Variants in ADCY9 observed in about 807,000 individuals in gnomAD.
The protein encoded by ADCY9 is adenylate cyclase 9, also known as adenylate cyclase type 9.
A neutral mutation model predicts 101.5 loss-of-function variants in ADCY9; 50 were observed. That is an observed-to-expected ratio of 0.49 (90% CI 0.39 to 0.62). The LOEUF is 0.62. ADCY9 is among the 20% of genes least tolerant of loss of function. ADCY9 has a pLI of 0.00. For missense variants in ADCY9, 1,662 were observed against 1,800.4 expected (o/e 0.92, Z 1.39); for synonymous variants, 905 against 769.3 (o/e 1.18, Z -2.92).
At chr16:3,958,511 A>T (rs1314622796), downstream of ADCY9, among the ~76,000 whole-genome samples, 1 of 143,010 alleles carries the variant, frequency 7.0e-6, no homozygotes, top group Non-Finnish European at 1.5e-5. Context: ...TTGCACTTCC[A>T]GCCTGGGCAA....
chr16:4,114,374 A>T lies in ADCY9; in HGVS notation c.1069T>A (p.Ser357Thr). The T allele has an allele frequency of 6.2e-7, 1 of 1,614,002 alleles. No individual in the cohort carries two copies. The highest frequency in any genetic ancestry group is 8.5e-7 in the Non-Finnish European group (1 of 1,180,024). Residue 357 changes from serine (S) to threonine (T), a missense_variant, in exon 2 of 11, where the codon TCT (serine) becomes ACT (threonine). Physicochemically the swap from Ser to Thr is moderately conservative, Grantham distance 58. Transcript: ENST00000294016. This position sits in a 1 kb window ranked among gnomAD's most constrained non-coding sequence, Gnocchi z 4.3. ...MKQGDEESEN[S>T]VKRHATSSPK... ...CTCGAGGTGGCATGCCTCTTGACAG[A>T]ATTCTCACTCTCCTCATCTCCCTGC...
At chr16:4,098,138 C>A (rs758329958) in intron 2 of ADCY9, among the ~76,000 whole-genome samples, 1 of 152,010 alleles carries the variant, frequency 6.6e-6, no homozygotes, top group Non-Finnish European at 1.5e-5. Flanking sequence ...TGTTCCACAG[C>A]GGTCCTGAGG....
chr16:4,008,621 G>A (rs1290339949), intron 2 of ADCY9, among the ~76,000 whole-genome samples: 1 of 151,002 alleles, frequency 6.6e-6, no homozygotes, highest in Non-Finnish European at 1.5e-5. Context: ...ACCCAGGATG[G>A]AGTGCAATGG....
chr16:4,086,974 C>G (rs2056942959), intron 2 of ADCY9, among the ~76,000 whole-genome samples: 1 of 151,702 alleles, frequency 6.6e-6, no homozygotes, highest in African/African-American at 2.4e-5. Context: ...AAAGCTTCTT[C>G]ATTCTCCCCT....
At chr16:3,976,268 C>T (rs1439115711) in intron 9 of ADCY9, among the ~76,000 whole-genome samples, 1 of 152,178 alleles carries the variant, frequency 6.6e-6, no homozygotes, top group Admixed American at 6.5e-5. Flanking sequence ...GGTAGGATTA[C>T]AGGCGTGAGC....
intron 3 of ADCY9, among the ~76,000 whole-genome samples, chr16:4,004,362 G>A (rs924334212): frequency 6.6e-6 from 1 of 151,864 alleles, no homozygotes; most frequent in African/African-American, 2.4e-5. Context: ...ATCATTTCCT[G>A]GTAGGTCGTT....
At chr16:3,990,785 G>C (rs1205180068) in intron 5 of ADCY9, among the ~76,000 whole-genome samples, 1 of 152,106 alleles carries the variant, frequency 6.6e-6, no homozygotes, top group East Asian at 1.9e-4. Context: ...GCTATTAGCT[G>C]TGCTGCTCCA....
At chr16:3,971,281 G>C (rs1298361654) in intron 10 of ADCY9, among the ~76,000 whole-genome samples, 1 of 152,132 alleles carries the variant, frequency 6.6e-6, no homozygotes, top group African/African-American at 2.4e-5. Context: ...TTGGAAGCTG[G>C]TGCCGGCTTC....
downstream of ADCY9, among the ~76,000 whole-genome samples, chr16:3,959,895 G>A (rs567865739): frequency 2.8e-4 from 42 of 151,880 alleles, no homozygotes; most frequent in Admixed American, 6.6e-4. Context: ...GCGTGGTGGC[G>A]CATGCCTGTA....
chr16:4,081,457 G>A (rs944520683), intron 2 of ADCY9, among the ~76,000 whole-genome samples: 47 of 152,188 alleles, frequency 3.1e-4, no homozygotes, highest in African/African-American at 1.1e-3. Context: ...TAAGAAATAC[G>A]TTTGTTATAA....
chr16:4,005,774 G>A (rs550519283), intron 3 of ADCY9, among the ~76,000 whole-genome samples: 5 of 152,326 alleles, frequency 3.3e-5, no homozygotes, highest in African/African-American at 9.6e-5. Flanking sequence ...ATATGTGGAA[G>A]CTAAAATGGC....
intron 2 of ADCY9, among the ~76,000 whole-genome samples, chr16:4,094,226 C>G (rs530090143): frequency 6.6e-6 from 1 of 151,748 alleles, no homozygotes; most frequent in Admixed American, 6.5e-5. Flanking sequence ...TCCTGGCACA[C>G]GGAGTCAGTC....
Position 3,992,142 on chromosome 16 carries a change from G to C in ADCY9, c.2207+4C>G. 2 of 1,614,036 alleles carry C rather than the reference G, an allele frequency of 1.2e-6. No homozygotes were observed. The highest frequency in any genetic ancestry group is 1.7e-6 in the Non-Finnish European group (2 of 1,179,906). ...TGCTTTTTCCCAGACAGCCCCAGTC[G>C]TACCTGTCTTCTTTGATAACGTCCA... On this transcript the variant is annotated splice_donor_region_variant and intron_variant, in intron 5 of 10. Coordinates refer to ENST00000294016, the MANE Select transcript of ADCY9 (RefSeq NM_001116.4). This position sits in a 1 kb window ranked among gnomAD's most constrained non-coding sequence, Gnocchi z 4.2.
At chr16:4,024,323 T>A (rs1016885715) in intron 2 of ADCY9, among the ~76,000 whole-genome samples, 3 of 152,160 alleles carry the variant, frequency 2.0e-5, no homozygotes, top group Non-Finnish European at 4.4e-5. Flanking sequence ...ACCCATCCAA[T>A]TTTTTAAAAC....
At chr16:3,970,451 C>T (rs561306445) in intron 10 of ADCY9, among the ~76,000 whole-genome samples, 2 of 152,130 alleles carry the variant, frequency 1.3e-5, no homozygotes. Flanking sequence ...CTCAGCCTCC[C>T]GAGTAGCTGG....
At chr16:3,971,675 G>A (rs1740565491) in intron 10 of ADCY9, among the ~76,000 whole-genome samples, 1 of 152,202 alleles carries the variant, frequency 6.6e-6, no homozygotes, top group Non-Finnish European at 1.5e-5. Context: ...GGTTTTGTGA[G>A]CCCCGCTCGT....
intron 2 of ADCY9, among the ~76,000 whole-genome samples, chr16:4,025,913 T>A (rs1209691413): frequency 6.6e-6 from 1 of 151,718 alleles, no homozygotes; most frequent in African/African-American, 2.4e-5. Flanking sequence ...GAATCACTCA[T>A]GAGAAAGTAT....
At chr16:4,101,773 C>T (rs1219977426) in intron 2 of ADCY9, among the ~76,000 whole-genome samples, 1 of 152,134 alleles carries the variant, frequency 6.6e-6, no homozygotes, top group African/African-American at 2.4e-5. Context: ...GTTCAAACCA[C>T]GGCCAATAGC....
chr16:4,025,375 CAAAAA>C (rs367980802), intron 2 of ADCY9, among the ~76,000 whole-genome samples: 1 of 130,396 alleles, frequency 7.7e-6, no homozygotes, highest in East Asian at 2.3e-4. Flanking sequence ...ACTCTGTCTC[CAAAAA>C]AAAAAAAAAA....
Sources: gnomAD v4.1 joint callset for allele counts (sites outside exome capture counted in the v4.1 genomes callset) on GRCh38, gnomAD v4.1.1 for gene constraint, Gnocchi (gnomAD v3.1) non-coding constraint, MANE v1.5 for transcripts, NCBI Gene and HGNC (gene_info 2026-07-23, HGNC 2026-07-21) for gene names.